Variants in PTPRN2 observed in about 807,000 individuals in gnomAD.
The protein encoded by PTPRN2 is receptor-type tyrosine-protein phosphatase N2.
PTPRN2 carries 74 observed loss-of-function variants against 118.8 expected under a neutral mutation model. The observed-to-expected ratio is 0.62, with a 90% CI of 0.52 to 0.76. The LOEUF is 0.76. PTPRN2 is among the 30% of genes least tolerant of loss of function. The pLI is 0.00. For synonymous variants in PTPRN2, 641 were observed against 608.0 expected, an observed-to-expected ratio of 1.05 and a Z score of -0.80; for missense variants, 1,481 against 1,394.4, an observed-to-expected ratio of 1.06 and a Z score of -0.99.
intron 11 of PTPRN2, among the ~76,000 whole-genome samples, chr7:157,938,156 G>A (rs540855284): frequency 5.8e-4 from 89 of 152,344 alleles, no homozygotes; most frequent in Non-Finnish European, 7.5e-4. Flanking sequence ...CCCCCGCATG[G>A]TGCTGCCAAA....
chr7:157,728,910 C>G (rs1330024539), intron 12 of PTPRN2, among the ~76,000 whole-genome samples: 3 of 152,176 alleles, frequency 2.0e-5, no homozygotes, highest in African/African-American at 7.2e-5. Context: ...GTGGCACCAC[C>G]TTAATCAGCT....
intron 4 of PTPRN2, among the ~76,000 whole-genome samples, chr7:158,199,900 T>C (rs879625198): frequency 2.0e-5 from 3 of 152,028 alleles, no homozygotes; most frequent in Non-Finnish European, 2.9e-5. Context: ...GCAGCAGGAA[T>C]CAGAACATGA....
At chr7:158,071,229 G>A (rs1293491487) in intron 11 of PTPRN2, among the ~76,000 whole-genome samples, 1 of 65,156 alleles carries the variant, frequency 1.5e-5, no homozygotes, top group Non-Finnish European at 2.9e-5. Flanking sequence ...AGGTGCCCGT[G>A]GTGGTGGAGG....
At chr7:158,387,747 GA>G in intron 2 of PTPRN2, among the ~76,000 whole-genome samples, 1 of 152,192 alleles carries the variant, frequency 6.6e-6, no homozygotes, top group South Asian at 2.1e-4. Context: ...TTTCCTGAAG[GA>G]GATGGAATCC....
rs145291938 is a variant in PTPRN2 at position 158,385,276 on chromosome 7, A to G, written c.164-68344T>C. 4.7e-3 allele frequency among the ~76,000 whole-genome samples: 689 copies of G among 147,664 alleles called. 8 individuals are homozygous for G. Among genetic ancestry groups the G allele is most frequent in the African/African-American group, 0.016 (652 of 39,540 alleles). On this transcript the variant is annotated intron_variant, in intron 2 of 22. Coordinates refer to ENST00000389418, the MANE Select transcript of PTPRN2 (RefSeq NM_002847.5). ...GAACAATTCCAGAGACAAGAGTCCCAACCAATTAAGGCAAGAAAGACACCA... is the reference window on the plus strand; with the variant it reads ...GAACAATTCCAGAGACAAGAGTCCCGACCAATTAAGGCAAGAAAGACACCA...
intron 6 of PTPRN2, among the ~76,000 whole-genome samples, chr7:158,153,307 C>G (rs888178758): frequency 6.6e-6 from 1 of 152,198 alleles, no homozygotes; most frequent in Non-Finnish European, 1.5e-5. Flanking sequence ...TACACTAAGG[C>G]AAGAACCCAG....
intron 13 of PTPRN2, among the ~76,000 whole-genome samples, 158 bp from the exon 14 acceptor site, chr7:157,656,709 C>T (rs1031626761): frequency 1.3e-4 from 20 of 152,052 alleles, no homozygotes; most frequent in African/African-American, 2.9e-4. Flanking sequence ...CGCAACATGA[C>T]GGTCAACGCA....
intron 2 of PTPRN2, among the ~76,000 whole-genome samples, chr7:158,479,308 G>A (rs1820491475): frequency 1.3e-5 from 2 of 151,900 alleles, no homozygotes; most frequent in South Asian, 4.2e-4. Flanking sequence ...TGCTGCAAGC[G>A]GCCTGGAGCT....
At chr7:157,998,380 C>A (rs1440679455) in intron 11 of PTPRN2, among the ~76,000 whole-genome samples, 1 of 152,178 alleles carries the variant, frequency 6.6e-6, no homozygotes, top group African/African-American at 2.4e-5. Context: ...TGGGCTCTGA[C>A]CACGCCATCC....
chr7:158,043,714 CAGCCTTT>C (rs981062331), intron 11 of PTPRN2, among the ~76,000 whole-genome samples: 3 of 152,188 alleles, frequency 2.0e-5, no homozygotes, highest in African/African-American at 7.2e-5. Context: ...ACCTACTCAC[CAGCCTTT>C]GTTCTCAATG....
In PTPRN2 at chr7:158,226,658, G is replaced by A. The variant is rs78569708; in HGVS notation, c.278-21385C>T. Among the ~76,000 whole-genome samples the A allele has an allele frequency of 7.7e-3, 1,135 of 146,482 alleles. 16 individuals are homozygous for A. Among genetic ancestry groups the A allele is most frequent in the African/African-American group, 0.028 (1,057 of 38,434 alleles). ...AAGGTGCACGCTGCATATGAGGAAC[G>A]AAGACAGCGCTTCCCTTTTTTTTTT... On this transcript the variant is annotated intron_variant, in intron 3 of 22. Transcript: ENST00000389418.
At chr7:158,511,261 G>A (rs1038944393) in intron 1 of PTPRN2, among the ~76,000 whole-genome samples, 5 of 152,104 alleles carry the variant, frequency 3.3e-5, no homozygotes, top group Non-Finnish European at 7.4e-5. Flanking sequence ...GGATGGCTAC[G>A]CAATGCTATT....
At chr7:157,614,237 G>C in intron 15 of PTPRN2, 3 of 414,972 alleles carry the variant, frequency 7.2e-6, no homozygotes, top group Non-Finnish European at 1.0e-5. Flanking sequence ...TCGCAGAGCA[G>C]GCTGGTCATG....
At chr7:158,576,508 C>T (rs191521471) in intron 1 of PTPRN2, among the ~76,000 whole-genome samples, 5 of 152,290 alleles carry the variant, frequency 3.3e-5, no homozygotes, top group East Asian at 3.9e-4. Context: ...AGGAGCCTCC[C>T]ACCAGCACCT....
rs117757134 is a variant in PTPRN2 at position 158,171,649 on chromosome 7, C to A, written c.550-4358G>T. On this transcript the variant is annotated intron_variant, in intron 5 of 22. Coordinates refer to ENST00000389418, the MANE Select transcript of PTPRN2 (RefSeq NM_002847.5). ...TACAAGCGTGAGCCACCATGCCCAG[C>A]CTATACCTTCATATTCTTTAAAGCA... Among the ~76,000 whole-genome samples the A allele has an allele frequency of 7.8e-3, 1,192 of 152,126 alleles. 13 individuals are homozygous for A. Among genetic ancestry groups the A allele is most frequent in the Middle Eastern group, 0.024 (7 of 292 alleles).
rs564195357 is a variant in PTPRN2 at position 157,877,127 on chromosome 7, G to A, written c.1788+21546C>T. 2.0e-3 allele frequency among the ~76,000 whole-genome samples: 289 copies of A among 144,448 alleles called. 4 individuals carry two copies. Among genetic ancestry groups the A allele is most frequent in the Non-Finnish European group, 1.3e-3 (84 of 65,918 alleles). The allele number at this position is 144,448 out of a possible 152,430, so 94.8% of individuals were successfully genotyped here. A position where few individuals can be genotyped will look rare whatever the true frequency, so the allele number is the denominator to read the frequency against. ...GGGTTTCCTCGGGGACCCCGGCTCC[G>A]AGTGCCATGGTCAGGGTTTCCTCAG... On this transcript the variant is annotated intron_variant, in intron 12 of 22. Coordinates refer to ENST00000389418, the MANE Select transcript of PTPRN2 (RefSeq NM_002847.5).
chr7:157,907,450 G>A (rs1186663354), intron 11 of PTPRN2, among the ~76,000 whole-genome samples: 1 of 150,980 alleles, frequency 6.6e-6, no homozygotes, highest in Non-Finnish European at 1.5e-5. Context: ...CTCTGCGTGT[G>A]GGGTGTCCCG....
At chr7:158,463,491 C>G (rs914150657) in intron 2 of PTPRN2, among the ~76,000 whole-genome samples, 1 of 151,958 alleles carries the variant, frequency 6.6e-6, no homozygotes, top group Non-Finnish European at 1.5e-5. Flanking sequence ...TCATCATTAC[C>G]ATTACCATCA....
chr7:158,203,316 A>G (rs1366401105), intron 4 of PTPRN2, among the ~76,000 whole-genome samples: 1 of 151,960 alleles, frequency 6.6e-6, no homozygotes, highest in Non-Finnish European at 1.5e-5. Flanking sequence ...GAAAATTCCA[A>G]TCTCAAAGCA....
Sources: allele counts gnomAD v4.1 joint callset (sites outside exome capture counted in the v4.1 genomes callset), GRCh38; gene constraint gnomAD v4.1.1; transcripts MANE v1.5; gene names NCBI Gene and HGNC (gene_info 2026-07-23, HGNC 2026-07-21).